Variants in ADK observed in about 807,000 individuals in gnomAD.
The protein encoded by ADK is N6,N6-dimethyladenosine kinase.
ADK carries 24 observed loss-of-function variants against 44.7 expected under a neutral mutation model. The observed-to-expected ratio is 0.54, with a 90% CI of 0.39 to 0.76. The LOEUF is 0.76. Ranked by LOEUF, ADK falls within the 30% of genes least tolerant of loss-of-function variation. The pLI is 0.00. For synonymous variants in ADK, 128 were observed against 142.6 expected, an observed-to-expected ratio of 0.90 and a Z score of 0.73; for missense variants, 321 against 425.1, an observed-to-expected ratio of 0.76 and a Z score of 2.15.
intron 9 of ADK, among the ~76,000 whole-genome samples, chr10:74,625,246 G>A (rs1454959071): frequency 6.6e-6 from 1 of 152,156 alleles, no homozygotes; most frequent in Non-Finnish European, 1.5e-5. Context: ...GTATGAACTA[G>A]GCCTTGAGGA....
chr10:74,350,095 C>A (rs1841915287), intron 4 of ADK, among the ~76,000 whole-genome samples: 1 of 152,148 alleles, frequency 6.6e-6, no homozygotes, highest in African/African-American at 2.4e-5. Flanking sequence ...CTGTCTACCC[C>A]AAATCAACAG....
chr10:74,703,192 G>A (rs1240820751), intron 10 of ADK, among the ~76,000 whole-genome samples: 1 of 152,050 alleles, frequency 6.6e-6, no homozygotes, highest in East Asian at 1.9e-4. Flanking sequence ...TAAGTAATGG[G>A]ATAAGCGCGT....
At chr10:74,395,880 G>A (rs1304608512) in intron 5 of ADK, among the ~76,000 whole-genome samples, 2 of 151,852 alleles carry the variant, frequency 1.3e-5, no homozygotes, top group African/African-American at 2.4e-5. Context: ...TTAGCCAGGT[G>A]TGCACCTGTA....
intron 9 of ADK, among the ~76,000 whole-genome samples, chr10:74,624,290 T>C (rs1041810680): frequency 6.6e-6 from 1 of 152,022 alleles, no homozygotes; most frequent in African/African-American, 2.4e-5. Flanking sequence ...ACCCCAACTT[T>C]GCTGAGCCTT....
At chr10:74,507,511 G>A (rs1848128982) in intron 6 of ADK, among the ~76,000 whole-genome samples, 1 of 151,762 alleles carries the variant, frequency 6.6e-6, no homozygotes, top group South Asian at 2.1e-4. Flanking sequence ...TTCTGTGGAG[G>A]CTGTGAGGTG....
chr10:74,234,415 T>G (rs903513641), intron 3 of ADK, among the ~76,000 whole-genome samples: 1 of 152,224 alleles, frequency 6.6e-6, no homozygotes, highest in Admixed American at 6.5e-5. Context: ...TAGAACTGTT[T>G]AGATCTTTTT....
intron 6 of ADK, among the ~76,000 whole-genome samples, chr10:74,493,790 A>G (rs1418214269): frequency 1.3e-5 from 2 of 152,180 alleles, no homozygotes; most frequent in African/African-American, 4.8e-5. Context: ...AATGTTAAAA[A>G]TATCAGGTAT....
chr10:74,441,605 A>G (rs1845408064), intron 6 of ADK, among the ~76,000 whole-genome samples: 1 of 152,198 alleles, frequency 6.6e-6, no homozygotes, highest in Non-Finnish European at 1.5e-5. Context: ...TGAGACCTTA[A>G]AACTCAGAAG....
At chr10:74,230,349 A>G (rs1236229637) in intron 3 of ADK, among the ~76,000 whole-genome samples, 1 of 152,084 alleles carries the variant, frequency 6.6e-6, no homozygotes, top group East Asian at 1.9e-4. Context: ...TGAGAGTAAC[A>G]TTGATAAAAT....
intron 4 of ADK, among the ~76,000 whole-genome samples, chr10:74,348,729 G>A (rs991206610): frequency 6.6e-6 from 1 of 151,464 alleles, no homozygotes; most frequent in Non-Finnish European, 1.5e-5. Flanking sequence ...TGACCTGATG[G>A]GGCTGAAAAA....
intron 10 of ADK, among the ~76,000 whole-genome samples, chr10:74,691,347 A>C (rs918492101): frequency 6.6e-6 from 1 of 152,204 alleles, no homozygotes; most frequent in African/African-American, 2.4e-5. Context: ...ATTACATGGT[A>C]ATGCTTCTAA....
At chr10:74,557,145 A>G (rs541579697) in intron 7 of ADK, among the ~76,000 whole-genome samples, 24 of 152,228 alleles carry the variant, frequency 1.6e-4, no homozygotes, top group Non-Finnish European at 3.1e-4. Context: ...ACTGTTTTAT[A>G]TATAGTAGAG....
intron 3 of ADK, among the ~76,000 whole-genome samples, chr10:74,280,137 TTTTTTTG>T (rs1055346554): frequency 9.9e-5 from 15 of 152,196 alleles, no homozygotes; most frequent in African/African-American, 1.4e-4. Flanking sequence ...GATATCTGTG[TTTTTTTG>T]TTTTTTGTTT....
chr10:74,350,247 T>G (rs1841920014), intron 4 of ADK, among the ~76,000 whole-genome samples: 1 of 152,198 alleles, frequency 6.6e-6, no homozygotes, highest in Non-Finnish European at 1.5e-5. Flanking sequence ...AAATTAGAAC[T>G]GAGGATTAAG....
chr10:74,485,292 A>G (rs1280695990), intron 6 of ADK, among the ~76,000 whole-genome samples: 1 of 151,980 alleles, frequency 6.6e-6, no homozygotes, highest in Non-Finnish European at 1.5e-5. Context: ...GTTCTACCTC[A>G]TCATTAATTA....
intron 3 of ADK, among the ~76,000 whole-genome samples, chr10:74,236,152 A>G (rs1186019138): frequency 1.3e-5 from 2 of 152,238 alleles, no homozygotes; most frequent in Non-Finnish European, 2.9e-5. Flanking sequence ...CTCTTCAAAG[A>G]TGTTTTCTCA....
intron 9 of ADK, among the ~76,000 whole-genome samples, chr10:74,618,765 AT>A (rs1261795694): frequency 3.3e-5 from 5 of 151,890 alleles, no homozygotes; most frequent in Non-Finnish European, 7.4e-5. Flanking sequence ...TTTATATATA[AT>A]ATTTTTATTT....
intron 6 of ADK, among the ~76,000 whole-genome samples, chr10:74,413,937 T>C (rs893961202): frequency 7.2e-5 from 11 of 152,124 alleles, no homozygotes; most frequent in African/African-American, 2.7e-4. Flanking sequence ...AGGGAGGCCT[T>C]AGGAGAGGTA....
intron 9 of ADK, among the ~76,000 whole-genome samples, chr10:74,653,408 T>G (rs1430956703): frequency 1.3e-5 from 2 of 152,086 alleles, no homozygotes; most frequent in African/African-American, 2.4e-5. Flanking sequence ...GCCGAGATCA[T>G]GCCATTGCTG....
Sources: gnomAD v4.1 joint callset for allele counts (sites outside exome capture counted in the v4.1 genomes callset) on GRCh38, gnomAD v4.1.1 for gene constraint, MANE v1.5 for transcripts, NCBI Gene and HGNC (gene_info 2026-07-23, HGNC 2026-07-21) for gene names.